The following JAG1 variants were observed in gnomAD, a reference collection of about 807,000 sequenced individuals.
JAG1 encodes the protein jagged canonical Notch ligand 1.
A neutral mutation model predicts 148.7 loss-of-function variants in JAG1; 23 were observed. That is an observed-to-expected ratio of 0.15 (90% CI 0.11 to 0.22). The LOEUF (loss-of-function observed/expected upper bound fraction) is 0.22, where lower values mean the gene tolerates loss of function less well. JAG1 is among the 10% of genes least tolerant of loss of function. The pLI is 1.00. For synonymous variants in JAG1, 572 were observed against 598.3 expected, an observed-to-expected ratio of 0.96 and a Z score of 0.64; for missense variants, 1,054 against 1,611.2, an observed-to-expected ratio of 0.65 and a Z score of 5.92.
At position 10,643,829 on chromosome 20, in the gene JAG1, A is replaced by G; in HGVS notation, c.2407T>C (p.Trp803Arg). The G allele has an allele frequency of 6.2e-7, 1 of 1,614,118 alleles. No individual in the cohort carries two copies. The highest frequency in any genetic ancestry group is 1.3e-5 in the African/African-American group (1 of 75,032). Reference sequence around the variant, plus strand: ...CCCGGGGCACATTCGCACCGGTACCAGTTGTCTCCATCCACACAGGTGCCG... The same window carrying G: ...CCCGGGGCACATTCGCACCGGTACCGGTTGTCTCCATCCACACAGGTGCCG... ...NSGTCVDGDN[W>R]YRCECAPGFA... Residue 803 changes from tryptophan (W) to arginine (R), a missense_variant, in exon 20 of 26, where the codon TGG becomes CGG. Physicochemically the swap from Trp to Arg is moderately radical, Grantham distance 101. Transcript: ENST00000254958.
intron 2 of JAG1, among the ~76,000 whole-genome samples, chr20:10,668,602 C>A (rs1355630449): frequency 6.6e-6 from 1 of 152,148 alleles, no homozygotes; most frequent in Non-Finnish European, 1.5e-5. Context: ...ATGAATCCAG[C>A]CAAGGCCTCT....
intron 11 of JAG1, 161 bp from the exon 12 acceptor site, chr20:10,648,883 T>A: frequency 1.1e-6 from 1 of 894,324 alleles, no homozygotes; most frequent in Non-Finnish European, 1.8e-6. Context: ...TCTATGTGCA[T>A]GCCTTCAAAA....
intron 21 of JAG1, among the ~76,000 whole-genome samples, 160 bp from the exon 22 acceptor site, chr20:10,642,052 C>T (rs1220623987): frequency 6.6e-6 from 1 of 152,158 alleles, no homozygotes; most frequent in Non-Finnish European, 1.5e-5. Flanking sequence ...TTTGCTGGCT[C>T]TGCGCTTGGC....
Position 10,652,111 on chromosome 20 carries a change from A to T in JAG1, c.1006+20T>A. The stretch of plus-strand genomic sequence containing the variant: ...CAGAAAAATTAGACAAAGGGCTCTC[A>T]TTCATCTTGGACCACTTACCAATTT... On this transcript the variant is annotated intron_variant, in intron 7 of 25. Coordinates refer to ENST00000254958, the MANE Select transcript of JAG1 (RefSeq NM_000214.3). 6.2e-7 allele frequency: 1 copy of T among 1,613,732 alleles called. No homozygotes were observed. The highest frequency in any genetic ancestry group is 8.5e-7 in the Non-Finnish European group (1 of 1,179,656).
At chr20:10,646,291 C>T (rs2067307846) in intron 14 of JAG1, 3 of 587,410 alleles carry the variant, frequency 5.1e-6, no homozygotes, top group Non-Finnish European at 9.2e-6. Context: ...AATGCCCTCA[C>T]ATGGGCATTT....
At position 10,655,205 on chromosome 20, in the gene JAG1, CAT is replaced by C. The variant is rs1399251967; in HGVS notation, c.755+1191_755+1192del. On this transcript the variant is annotated intron_variant, in intron 5 of 25. Coordinates refer to ENST00000254958, the MANE Select transcript of JAG1 (RefSeq NM_000214.3). ...AGGGGAACAGACGGAGCGGTGGAATCATAAAGGTAAAGGCCACAGATAGTTCT... is the reference window on the plus strand; with the variant it reads ...AGGGGAACAGACGGAGCGGTGGAATCAAAGGTAAAGGCCACAGATAGTTCT... 2.6e-5 allele frequency among the ~76,000 whole-genome samples: 4 copies of C among 152,302 alleles called. No individual in the cohort carries two copies. The East Asian group carries it at 5.8e-4, about 22-fold the overall frequency.
Position 10,642,593 on chromosome 20 carries a change from C to G in JAG1, c.2467G>C (p.Glu823Gln). 1 of 1,603,506 alleles carries G rather than the reference C, an allele frequency of 6.2e-7. No homozygotes were observed. Among genetic ancestry groups the G allele is most frequent in the Non-Finnish European group, 8.5e-7 (1 of 1,170,392 alleles). Residue 823 changes from glutamate to glutamine, a missense_variant, in exon 21 of 26, where the codon GAA becomes CAA. By Grantham distance (29) the Glu-to-Gln change is conservative. Transcript: ENST00000254958. ...AGPDCRININECQSSPCAFGA... is the reference protein window; with the variant it reads ...AGPDCRININQCQSSPCAFGA... ...AAGGCACAAGGTGAAGACTGGCATT[C>G]ATTGATGTCTAGGAGAAATGGAGTT... is the stretch of plus-strand genomic sequence containing the variant.
intron 2 of JAG1, among the ~76,000 whole-genome samples, chr20:10,667,890 G>A (rs1175943409): frequency 1.3e-5 from 2 of 152,146 alleles, no homozygotes; most frequent in East Asian, 1.9e-4. Flanking sequence ...AGCCAGCCAA[G>A]CACAACGGTC....
At chr20:10,640,048 GCCCTTTATCCCT>G in intron 25 of JAG1, 93 bp from the exon 26 acceptor site, 1 of 1,003,944 alleles carries the variant, frequency 1.0e-6, no homozygotes, top group East Asian at 2.6e-5. Context: ...TGGTTCTCCT[GCCCTTTATCCCT>G]AAGAGGGGGG....
intron 25 of JAG1, among the ~76,000 whole-genome samples, chr20:10,640,340 T>A (rs975389541): frequency 6.6e-6 from 1 of 152,208 alleles, no homozygotes; most frequent in South Asian, 2.1e-4. Context: ...CATGGCTCCA[T>A]GCCCAATCTC....
chr20:10,648,277 G>A (rs552815658), intron 12 of JAG1, among the ~76,000 whole-genome samples, 167 bp from the exon 13 acceptor site: 2 of 152,314 alleles, frequency 1.3e-5, no homozygotes, highest in South Asian at 4.1e-4. Flanking sequence ...CCAATGTCCA[G>A]TATTTGAAAC....
chr20:10,641,854 G>T lies in JAG1; in HGVS notation c.2611C>A (p.Pro871Thr), dbSNP rs747937958. ...TCATCATCCCATTTGGCCCCATCTG[G>T]TATCACACTCCCCATGGTGATGCAA... Reference protein sequence around the residue: ...RPCITMGSVIPDGAKWDDDCN... With the variant: ...RPCITMGSVITDGAKWDDDCN... The change falls in exon 22 of 26, where the codon CCA (proline) becomes ACA (threonine). Residue 871 changes from proline (P) to threonine (T), a missense_variant. Pro to Thr is a conservative substitution (Grantham distance 38). Around this residue, in one of 6 missense-constraint regions of JAG1, gnomAD observed 342 missense variants for 514.6 expected, o/e 0.66. Coordinates refer to ENST00000254958, the MANE Select transcript of JAG1 (RefSeq NM_000214.3). 3.1e-6 allele frequency: 5 copies of T among 1,613,770 alleles called. No homozygotes were observed. The highest frequency in any genetic ancestry group is 4.2e-6 in the Non-Finnish European group (5 of 1,179,756).
At position 10,638,891 on chromosome 20, in the gene JAG1, AAAG is replaced by A. The variant is rs1046509667; in HGVS notation, c.*604_*606del. 5.2e-5 allele frequency: 8 copies of A among 153,874 alleles called. No homozygotes were observed. Among genetic ancestry groups the A allele is most frequent in the African/African-American group, 1.7e-4 (7 of 41,462 alleles). The allele number at this position is 153,874 out of a possible 1,614,324, so 9.5% of individuals were successfully genotyped here. On this transcript the variant is annotated 3_prime_UTR_variant, in exon 26 of 26. Transcript: ENST00000254958. ...TCAAATATACACAGTGATTAATAAA[AAAG>A]AATTATTTACATAACTATACAAAGT...
intron 11 of JAG1, 98 bp from the exon 12 acceptor site, chr20:10,648,820 C>T: frequency 1.6e-6 from 2 of 1,231,750 alleles, no homozygotes; most frequent in South Asian, 1.3e-5. Flanking sequence ...TGCGGTTTAG[C>T]TGGTTCACTG....
Position 10,658,765 on chromosome 20 carries a change from C to A in JAG1, c.440-43G>T, listed in dbSNP as rs1322931488. 3.1e-6 allele frequency: 5 copies of A among 1,609,444 alleles called. No individual in the cohort carries two copies. In the Admixed American group the frequency reaches 8.3e-5, roughly 27 times the overall value. ...AATCATGTTAATATTCACATTGCAG[C>A]CTTCTTCCCTGACCATTTTGGCTTT... On this transcript the variant is annotated intron_variant, in intron 3 of 25. Coordinates refer to ENST00000254958, the MANE Select transcript of JAG1 (RefSeq NM_000214.3).
rs571188727 is a variant in JAG1 at position 10,640,069 on chromosome 20, G to A, written c.3200-114C>T. 37 of 827,450 alleles carry A rather than the reference G, an allele frequency of 4.5e-5. No homozygotes were observed. The African/African-American group carries it at 5.1e-4, about 11-fold the overall frequency. The allele number at this position is 827,450 out of a possible 1,614,324, so 51.3% of individuals were successfully genotyped here. A position where few individuals can be genotyped will look rare whatever the true frequency, so the allele number is the denominator to read the frequency against. On this transcript the variant is annotated intron_variant, in intron 25 of 25. Coordinates refer to ENST00000254958, the MANE Select transcript of JAG1 (RefSeq NM_000214.3). ...TCCTGCCCTTTATCCCTAAGAGGGG[G>A]GCCACAGGGACAAGTCCCTTTTCAT...
chr20:10,652,105 G>T (rs898766354), intron 7 of JAG1, 26 bp downstream of exon 7: 2 of 1,612,764 alleles, frequency 1.2e-6, no homozygotes, highest in South Asian at 1.1e-5. Context: ...TAGACAAAGG[G>T]CTCTCATTCA....
Position 10,647,061 on chromosome 20 carries a change from G to T in JAG1, c.1763C>A (p.Pro588His). ...GGAGGAAATATACCGCACCCCTTCA[G>T]GTGTGTCGTTGGAAGCCATGGCCAC... ...CTVAMASNDT[P>H]EGVRYISSNV... The change falls in exon 14 of 26, where the codon CCT becomes CAT. Residue 588 changes from proline to histidine, a missense_variant. This residue lies in a region of JAG1 where 245 missense variants were observed against 373.1 expected (regional missense o/e 0.66). Transcript: ENST00000254958. 5 of 1,614,228 alleles carry T rather than the reference G, an allele frequency of 3.1e-6. No homozygotes were observed. Among genetic ancestry groups the T allele is most frequent in the Non-Finnish European group, 4.2e-6 (5 of 1,180,038 alleles).
chr20:10,642,537 G>A lies in JAG1; in HGVS notation c.2523C>T (p.Gly841=). 5 of 1,614,010 alleles carry A rather than the reference G, an allele frequency of 3.1e-6. No individual in the cohort carries two copies. Among genetic ancestry groups the A allele is most frequent in the Non-Finnish European group, 4.2e-6 (5 of 1,179,880 alleles). The change falls in exon 21 of 26, where the codon GGC becomes GGT. Residue 841 remains glycine, a synonymous_variant. Coordinates refer to ENST00000254958, the MANE Select transcript of JAG1 (RefSeq NM_000214.3). The stretch of plus-strand genomic sequence containing the variant: ...GCCCTGGAGGGCAGACACACCGGTA[G>A]CCATTGATCTCATCCACACAGGTCG... ...FGATCVDEIN[G]YRCVCPPGHS...
Sources: allele counts gnomAD v4.1 joint callset (sites outside exome capture counted in the v4.1 genomes callset), GRCh38; gene constraint gnomAD v4.1.1; regional missense constraint gnomAD v4.1.1; transcripts MANE v1.5; gene names NCBI Gene and HGNC (gene_info 2026-07-23, HGNC 2026-07-21).